Variants in COL5A2 observed in about 807,000 individuals in gnomAD.
COL5A2 encodes the protein collagen alpha-2(V) chain.
In COL5A2, 23 loss-of-function variants were observed where a neutral mutation model predicts 208.2. The observed-to-expected ratio is 0.11, with a 90% CI of 0.08 to 0.16. COL5A2 has a LOEUF of 0.16. Among genes scored for constraint, COL5A2 ranks in the 10% least tolerant of loss-of-function variants. The pLI, the probability that COL5A2 is intolerant of heterozygous loss-of-function variation, is 1.00. For synonymous variants in COL5A2, 625 were observed against 628.5 expected (o/e 0.99, Z 0.08); for missense variants, 1,590 against 1,956.4 (o/e 0.81, Z 3.53).
chr2:189,320,387 G>C, the COL5A2 span, among the ~76,000 whole-genome samples: 1 of 152,170 alleles, frequency 6.6e-6, no homozygotes, highest in Non-Finnish European at 1.5e-5. Context: ...GGGGAAGTTT[G>C]AACCCATTGC....
In COL5A2 at chr2:189,058,594, A is replaced by T; in HGVS notation, c.2131-67T>A. On this transcript the variant is annotated intron_variant, in intron 32 of 53. Transcript: ENST00000374866. ...CTAAAAATAGGTCAAAATGTTTCTG[A>T]GAAATGGCTTCTACTGCGGAAAAAT... 2.9e-6 allele frequency: 4 copies of T among 1,402,582 alleles called. No individual in the cohort carries two copies. The South Asian group carries it at 4.7e-5, about 16-fold the overall frequency. The allele number at this position is 1,402,582 out of a possible 1,614,324, so 86.9% of individuals were successfully genotyped here.
chr2:189,360,967 G>C, the COL5A2 span, among the ~76,000 whole-genome samples: 1 of 143,440 alleles, frequency 7.0e-6, no homozygotes, highest in Non-Finnish European at 1.5e-5. Context: ...TTTTATGGCT[G>C]TTCTGTTTTT....
chr2:189,142,833 T>C (rs1687959684), intron 1 of COL5A2, among the ~76,000 whole-genome samples: 1 of 152,074 alleles, frequency 6.6e-6, no homozygotes, highest in South Asian at 2.1e-4. Context: ...TTCAGAATTG[T>C]GTCATTTTTT....
In COL5A2 at chr2:189,063,287, A is replaced by G; in HGVS notation, c.1771-17T>C. 1 of 1,601,592 alleles carries G rather than the reference A, an allele frequency of 6.2e-7. No individual in the cohort carries two copies. Among genetic ancestry groups the G allele is most frequent in the Non-Finnish European group, 8.6e-7 (1 of 1,169,484 alleles). ...TGGCGCACCCTATAGAATTGACAGG[A>G]GCCATGTAAGTTTCATGTAAGTTGT... On this transcript the variant is annotated splice_polypyrimidine_tract_variant and intron_variant, in intron 26 of 53. Coordinates refer to ENST00000374866, the MANE Select transcript of COL5A2 (RefSeq NM_000393.5).
chr2:189,379,334 C>T, the COL5A2 span, among the ~76,000 whole-genome samples: 6 of 152,140 alleles, frequency 3.9e-5, no homozygotes. Flanking sequence ...ACTCTGTGAA[C>T]CCACAGGGCA....
At chr2:189,338,044 G>A in the COL5A2 span, among the ~76,000 whole-genome samples, 1 of 152,132 alleles carries the variant, frequency 6.6e-6, no homozygotes, top group Non-Finnish European at 1.5e-5. Flanking sequence ...AAACAAAATT[G>A]CAGATTTTAA....
intron 21 of COL5A2, 31 bp from the exon 22 acceptor site, chr2:189,066,813 CCA>C: frequency 6.4e-7 from 1 of 1,569,408 alleles, no homozygotes; most frequent in Non-Finnish European, 8.8e-7. Context: ...TTTGTAAGAA[CCA>C]GGACATTTAG....
intron 3 of COL5A2, among the ~76,000 whole-genome samples, chr2:189,103,928 T>C (rs544196706): frequency 1.3e-5 from 2 of 152,116 alleles, no homozygotes; most frequent in African/African-American, 2.4e-5. Context: ...TTCCATCAAA[T>C]GTGTATTGTA....
intron 1 of COL5A2, among the ~76,000 whole-genome samples, chr2:189,167,659 A>G (rs573621769): frequency 8.2e-6 from 1 of 122,118 alleles, no homozygotes; most frequent in African/African-American, 3.0e-5. Flanking sequence ...TTGAAGAAAG[A>G]AGTGATTTTT....
intron 1 of COL5A2, among the ~76,000 whole-genome samples, chr2:189,121,193 C>T (rs946782861): frequency 6.6e-6 from 1 of 151,664 alleles, no homozygotes; most frequent in South Asian, 2.1e-4. Context: ...TTCCTTATTT[C>T]CTTTCTTTAA....
chr2:189,353,773 C>T, the COL5A2 span, among the ~76,000 whole-genome samples: 1 of 152,034 alleles, frequency 6.6e-6, no homozygotes, highest in Non-Finnish European at 1.5e-5. Flanking sequence ...ATTTGAATAC[C>T]GTTTTTTTCT....
chr2:189,035,217 T>C, intron 52 of COL5A2, 62 bp from the exon 53 acceptor site: 6 of 1,592,384 alleles, frequency 3.8e-6, no homozygotes, highest in Non-Finnish European at 5.2e-6. Context: ...GCCTTACACA[T>C]GTATAGATAA....
chr2:189,430,692 T>C, the COL5A2 span, among the ~76,000 whole-genome samples: 1 of 25,274 alleles, frequency 4.0e-5, no homozygotes, highest in Non-Finnish European at 4.6e-4. Context: ...AAGCTTGAAC[T>C]GGGTGGAGGC....
At chr2:189,190,431 A>C (rs566903092) in intron 1 of COL5A2, among the ~76,000 whole-genome samples, 34 of 152,254 alleles carry the variant, frequency 2.2e-4, no homozygotes, top group African/African-American at 8.2e-4. Flanking sequence ...CAGCTAACAC[A>C]CTCAAGGGAT....
the COL5A2 span, among the ~76,000 whole-genome samples, chr2:189,413,618 T>A: frequency 1.3e-4 from 19 of 151,944 alleles, no homozygotes; most frequent in East Asian, 3.7e-3. Flanking sequence ...TACAATGTAA[T>A]TTGTGTTAGG....
At chr2:189,421,902 G>C in the COL5A2 span, among the ~76,000 whole-genome samples, 6 of 152,098 alleles carry the variant, frequency 3.9e-5, no homozygotes, top group Non-Finnish European at 7.4e-5. Flanking sequence ...CAAGATTCCA[G>C]CCTGGCATTG....
intron 1 of COL5A2, among the ~76,000 whole-genome samples, chr2:189,111,147 C>T (rs1687252008): frequency 6.6e-6 from 1 of 152,016 alleles, no homozygotes; most frequent in Admixed American, 6.6e-5. Flanking sequence ...CAAAATAATA[C>T]AGTGAGTTAA....
chr2:189,307,286 C>T, the COL5A2 span, among the ~76,000 whole-genome samples: 3 of 151,952 alleles, frequency 2.0e-5, no homozygotes, highest in South Asian at 2.1e-4. Flanking sequence ...TAAACAAAAT[C>T]GAAATATGGT....
At chr2:189,232,273 G>A in the COL5A2 span, among the ~76,000 whole-genome samples, 2 of 151,626 alleles carry the variant, frequency 1.3e-5, no homozygotes, top group Non-Finnish European at 1.5e-5. Flanking sequence ...TTCCCAGGTG[G>A]GTAAGGGACT....
Sources: gnomAD v4.1 joint callset for allele counts (sites outside exome capture counted in the v4.1 genomes callset) on GRCh38, gnomAD v4.1.1 for gene constraint, MANE v1.5 for transcripts, NCBI Gene and HGNC (gene_info 2026-07-23, HGNC 2026-07-21) for gene names.